Variants in KCNIP4 observed in about 807,000 individuals in gnomAD.
The protein encoded by KCNIP4 is potassium voltage-gated channel interacting protein 4, also known as Kv channel-interacting protein 4.
Under a neutral mutation model 34.0 loss-of-function variants are expected in KCNIP4, and 12 were observed. That is an observed-to-expected ratio of 0.35 (90% CI 0.23 to 0.57). The LOEUF (loss-of-function observed/expected upper bound fraction) is 0.57. Among genes scored for constraint, KCNIP4 ranks in the 20% least tolerant of loss-of-function variants. The probability of loss-of-function intolerance (pLI) is 0.83; values close to 1 mark genes in which losing one functional copy is unlikely to be tolerated. For missense variants in KCNIP4, 238 were observed against 311.7 expected (o/e 0.76, Z 1.78); for synonymous variants, 124 against 102.2 (o/e 1.21, Z -1.29).
At chr4:20,838,557 T>TAA (rs756747187) in intron 3 of KCNIP4, among the ~76,000 whole-genome samples, 37 of 152,184 alleles carry the variant, frequency 2.4e-4, no homozygotes, top group Non-Finnish European at 5.1e-4. Context: ...TTAATGTGAA[T>TAA]AAAAGTGATG....
At position 21,477,254 on chromosome 4, in the gene KCNIP4, C is replaced by G. The variant is rs79721302; in HGVS notation, c.61+471317G>C. On this transcript the variant is annotated intron_variant, in intron 1 of 8. Transcript: ENST00000382152. Reference sequence around the variant, plus strand: ...TCTTGGCTAAACTTTATGCAGCTCCCTAGGGCAACTTTGCATTGCCAAGGT... The same window carrying G: ...TCTTGGCTAAACTTTATGCAGCTCCGTAGGGCAACTTTGCATTGCCAAGGT... 4.9e-4 allele frequency among the ~76,000 whole-genome samples: 74 copies of G among 152,222 alleles called. No homozygotes were observed. In the East Asian group the frequency reaches 0.014, roughly 28 times the overall value.
At chr4:20,978,145 T>G (rs1205933257) in intron 1 of KCNIP4, among the ~76,000 whole-genome samples, 3 of 152,224 alleles carry the variant, frequency 2.0e-5, no homozygotes, top group Non-Finnish European at 4.4e-5. Flanking sequence ...TTATCTTAAT[T>G]GAAATTATCT....
At chr4:21,196,664 A>T (rs1756077629) in intron 1 of KCNIP4, among the ~76,000 whole-genome samples, 1 of 152,240 alleles carries the variant, frequency 6.6e-6, no homozygotes, top group Non-Finnish European at 1.5e-5. Flanking sequence ...TATTTGAATA[A>T]GGAAATTATA....
intron 1 of KCNIP4, among the ~76,000 whole-genome samples, chr4:21,016,583 C>A (rs1739566902): frequency 6.6e-6 from 1 of 152,116 alleles, no homozygotes; most frequent in Non-Finnish European, 1.5e-5. Context: ...GCGTGAGACA[C>A]CTCACCCAGC....
intron 1 of KCNIP4, among the ~76,000 whole-genome samples, chr4:21,871,151 A>G (rs543127741): frequency 3.4e-4 from 52 of 151,052 alleles, no homozygotes; most frequent in African/African-American, 1.2e-3. Context: ...TGTGCACAAC[A>G]TGCAGGTTTG....
intron 1 of KCNIP4, among the ~76,000 whole-genome samples, chr4:20,952,920 G>T (rs972270110): frequency 2.0e-5 from 3 of 152,246 alleles, no homozygotes; most frequent in Non-Finnish European, 4.4e-5. Flanking sequence ...ACACCGTCTT[G>T]CTGTGTCTTC....
rs551301174 is a variant in KCNIP4, at chr4:21,368,660, G to A, written c.62-485951C>T. On this transcript the variant is annotated intron_variant, in intron 1 of 8. Coordinates refer to ENST00000382152, the MANE Select transcript of KCNIP4 (RefSeq NM_025221.6). ...TCTAGAGCCTGTGAAGTTACTTATC[G>A]TACCATACTACCTAGATTTTCCCTA... 5.0e-4 allele frequency among the ~76,000 whole-genome samples: 74 copies of A among 147,394 alleles called. 13 individuals carry two copies. Among genetic ancestry groups the A allele is most frequent in the African/African-American group, 1.9e-3 (70 of 37,058 alleles).
At chr4:21,645,418 G>A (rs1239205003) in intron 1 of KCNIP4, among the ~76,000 whole-genome samples, 1 of 152,176 alleles carries the variant, frequency 6.6e-6, no homozygotes, top group Non-Finnish European at 1.5e-5. Context: ...TCATTTAAGA[G>A]ATAAACATCT....
At chr4:21,278,454 T>A (rs1762572233) in intron 1 of KCNIP4, among the ~76,000 whole-genome samples, 1 of 152,140 alleles carries the variant, frequency 6.6e-6, no homozygotes, top group Non-Finnish European at 1.5e-5. Context: ...CATGTGGTAA[T>A]TGTTCCTGAA....
At chr4:21,560,183 A>T (rs539487420) in intron 1 of KCNIP4, among the ~76,000 whole-genome samples, 8 of 152,042 alleles carry the variant, frequency 5.3e-5, no homozygotes, top group Non-Finnish European at 1.2e-4. Flanking sequence ...CCTAAATTGA[A>T]CTTTGTTTCA....
intron 1 of KCNIP4, among the ~76,000 whole-genome samples, chr4:21,595,876 T>C (rs1428837092): frequency 6.6e-6 from 1 of 152,042 alleles, no homozygotes; most frequent in Non-Finnish European, 1.5e-5. Context: ...AATCCTATCC[T>C]AGGTAGTGGA....
intron 1 of KCNIP4, among the ~76,000 whole-genome samples, chr4:21,284,099 G>C (rs1040610357): frequency 5.3e-5 from 8 of 151,902 alleles, no homozygotes; most frequent in African/African-American, 1.9e-4. Flanking sequence ...TGTAGTCCCA[G>C]CTACTTGGGA....
At chr4:20,968,566 G>A (rs1734613225) in intron 1 of KCNIP4, among the ~76,000 whole-genome samples, 1 of 152,048 alleles carries the variant, frequency 6.6e-6, no homozygotes, top group African/African-American at 2.4e-5. Flanking sequence ...AGAAAATGTG[G>A]CACATATACA....
chr4:20,879,358 G>A (rs1424715546), intron 2 of KCNIP4, among the ~76,000 whole-genome samples: 5 of 152,144 alleles, frequency 3.3e-5, no homozygotes, highest in African/African-American at 1.2e-4. Context: ...CATTGGCTAT[G>A]GCATAGATCT....
At chr4:21,388,185 G>T (rs1269056299) in intron 1 of KCNIP4, among the ~76,000 whole-genome samples, 1 of 149,936 alleles carries the variant, frequency 6.7e-6, no homozygotes, top group Non-Finnish European at 1.5e-5. Flanking sequence ...AATTATAACG[G>T]ATTACCATCA....
intron 1 of KCNIP4, among the ~76,000 whole-genome samples, chr4:21,118,648 G>A (rs901713946): frequency 1.5e-4 from 23 of 152,114 alleles, no homozygotes; most frequent in Admixed American, 1.3e-3. Context: ...TATTTTTACA[G>A]TGCAAGTGGG....
intron 1 of KCNIP4, among the ~76,000 whole-genome samples, chr4:21,186,249 A>G (rs949117346): frequency 2.0e-4 from 30 of 152,190 alleles, no homozygotes; most frequent in African/African-American, 7.0e-4. Flanking sequence ...TGTCATAAGG[A>G]AACAGTGACT....
chr4:21,889,358 T>A (rs1361824495), intron 1 of KCNIP4, among the ~76,000 whole-genome samples: 2 of 151,542 alleles, frequency 1.3e-5, no homozygotes, highest in African/African-American at 2.4e-5. Context: ...ATTATGTATA[T>A]GCAAGCATCT....
chr4:21,171,948 C>T (rs1754049933), intron 1 of KCNIP4, among the ~76,000 whole-genome samples: 1 of 152,202 alleles, frequency 6.6e-6, no homozygotes, highest in Non-Finnish European at 1.5e-5. Flanking sequence ...TAGGATTTCA[C>T]TTAGCATAGT....
Sources: allele counts gnomAD v4.1 joint callset (sites outside exome capture counted in the v4.1 genomes callset), GRCh38; gene constraint gnomAD v4.1.1; transcripts MANE v1.5; gene names NCBI Gene and HGNC (gene_info 2026-07-23, HGNC 2026-07-21).